SPEN: variants seen among roughly 807,000 people sequenced by gnomAD.
SPEN encodes msx2-interacting protein.
A neutral mutation model predicts 269.9 loss-of-function variants in SPEN; 18 were observed. The observed-to-expected ratio is 0.07, with a 90% CI of 0.05 to 0.10. The LOEUF (loss-of-function observed/expected upper bound fraction) is 0.10, where lower values mean the gene tolerates loss of function less well. SPEN is among the 10% of genes least tolerant of loss of function. The pLI, the probability that SPEN is intolerant of heterozygous loss-of-function variation, is 1.00. For missense variants in SPEN, 3,822 were observed against 4,631.2 expected (o/e 0.83, Z 5.07); for synonymous variants, 1,726 against 1,765.7 (o/e 0.98, Z 0.56).
chr1:15,909,847 C>G (rs574236914), intron 4 of SPEN, among the ~76,000 whole-genome samples: 3 of 151,996 alleles, frequency 2.0e-5, no homozygotes, highest in Admixed American at 6.6e-5. Context: ...AAATAGGGGC[C>G]AGGCGCGGTG....
chr1:15,864,607 G>GTTTTTTTTTTTTT (rs34116041), intron 1 of SPEN, among the ~76,000 whole-genome samples: 1 of 82,612 alleles, frequency 1.2e-5, no homozygotes, highest in Non-Finnish European at 2.2e-5. Flanking sequence ...AGGTTTGTGG[G>GTTTTTTTTTTTTT]TTTTTTTTTT....
intron 3 of SPEN, among the ~76,000 whole-genome samples, chr1:15,889,318 A>C (rs1435158266): frequency 6.6e-6 from 1 of 152,006 alleles, no homozygotes; most frequent in Non-Finnish European, 1.5e-5. Context: ...GGCATGTGCC[A>C]CCACGCCCAA....
chr1:15,914,945 T>C (rs2071044339), intron 5 of SPEN, among the ~76,000 whole-genome samples: 2 of 152,366 alleles, frequency 1.3e-5, no homozygotes, highest in East Asian at 1.9e-4. Flanking sequence ...GTTACTCTTA[T>C]ATCTAAAATT....
chr1:15,857,574 C>A (rs1316351610), intron 1 of SPEN, among the ~76,000 whole-genome samples: 2 of 152,050 alleles, frequency 1.3e-5, no homozygotes, highest in Admixed American at 6.6e-5. Flanking sequence ...CCAGGCTGGT[C>A]TTGAACTCCT....
At position 15,936,808 on chromosome 1, in the gene SPEN, A is replaced by G. The variant is rs558763651; in HGVS notation, c.10027-355A>G. 2.0e-5 allele frequency among the ~76,000 whole-genome samples: 3 copies of G among 152,310 alleles called. No individual in the cohort carries two copies. In the East Asian group the frequency reaches 5.8e-4, roughly 29 times the overall value. ...AAGAAATCCGCCTTTTGGTAAAGAT[A>G]GTGGTTGAGTACAAGTGAACTGGTC... is the stretch of plus-strand genomic sequence containing the variant. On this transcript the variant is annotated intron_variant, in intron 11 of 14. Transcript: ENST00000375759.
chr1:15,883,077 A>C (rs1232333363), intron 3 of SPEN, among the ~76,000 whole-genome samples: 1 of 152,252 alleles, frequency 6.6e-6, no homozygotes, highest in Non-Finnish European at 1.5e-5. Flanking sequence ...CTTTCTTCTT[A>C]AATAGATTTT....
At chr1:15,876,118 A>G (rs949022393) in intron 2 of SPEN, 84 bp from the exon 3 acceptor site, 6 of 1,047,734 alleles carry the variant, frequency 5.7e-6, no homozygotes, top group African/African-American at 1.6e-5. Flanking sequence ...GACAAAGACA[A>G]TGCTGAAGTG....
rs1193116983 is a variant in SPEN at position 15,939,180 on chromosome 1, T to C, written c.10864-116T>C. 1.1e-5 allele frequency: 15 copies of C among 1,381,562 alleles called. No individual in the cohort carries two copies. Among genetic ancestry groups the C allele is most frequent in the Middle Eastern group, 2.1e-4 (1 of 4,740 alleles). The allele number at this position is 1,381,562 out of a possible 1,614,324, so 85.6% of individuals were successfully genotyped here. ...GACATAGTCCTGGCACATTTGCTGG[T>C]TGGGGACTGATTTGGCCTGGCTCTT... On this transcript the variant is annotated intron_variant, in intron 14 of 14. Transcript: ENST00000375759. This position sits in a 1 kb window ranked among gnomAD's most constrained non-coding sequence, Gnocchi z 4.1.
intron 5 of SPEN, among the ~76,000 whole-genome samples, chr1:15,912,454 G>A (rs138051720): frequency 6.5e-4 from 99 of 152,138 alleles, no homozygotes; most frequent in African/African-American, 2.3e-3. Flanking sequence ...GGTAAACATG[G>A]CCTGTTATAG....
chr1:15,908,623 A>G (rs145932106), intron 3 of SPEN, among the ~76,000 whole-genome samples: 243 of 152,118 alleles, frequency 1.6e-3, no homozygotes, highest in African/African-American at 5.5e-3. Flanking sequence ...GGTTTTCACC[A>G]TGTTGGCCAG....
At chr1:15,874,032 G>A in intron 2 of SPEN, 1 of 1,240,546 alleles carries the variant, frequency 8.1e-7, no homozygotes. Context: ...GCGAGCAACT[G>A]TGCCTTCCTC....
rs765111467 is a variant in SPEN at position 15,935,578 on chromosome 1, G to A, written c.9338G>A (p.Arg3113Gln). 1.1e-5 allele frequency: 18 copies of A among 1,613,914 alleles called. No homozygotes were observed. The highest frequency in any genetic ancestry group is 5.3e-5 in the African/African-American group (4 of 74,870). The change falls in exon 11 of 15, where the codon CGG (arginine) becomes CAG (glutamine). Residue 3113 changes from arginine to glutamine, a missense_variant. Around this residue, in one of 16 missense-constraint regions of SPEN, gnomAD observed 153 missense variants for 228.5 expected, o/e 0.67. Coordinates refer to ENST00000375759, the MANE Select transcript of SPEN (RefSeq NM_015001.3). This position sits in a 1 kb window ranked among gnomAD's most constrained non-coding sequence, Gnocchi z 7.7. ...CTGCCCAGTATCACCTACAGCATCCGGCCAGAAGCGCTTCACTCTCCTCGG... is the reference window on the plus strand; with the variant it reads ...CTGCCCAGTATCACCTACAGCATCCAGCCAGAAGCGCTTCACTCTCCTCGG... ...PTLPSITYSI[R>Q]PEALHSPRAP...
intron 2 of SPEN, among the ~76,000 whole-genome samples, chr1:15,874,766 A>G (rs542618937): frequency 6.6e-6 from 1 of 152,310 alleles, no homozygotes; most frequent in East Asian, 1.9e-4. Flanking sequence ...AAATCTCAGA[A>G]CTGTAGTAAA....
At chr1:15,857,408 G>T (rs1323589602) in intron 1 of SPEN, among the ~76,000 whole-genome samples, 2 of 151,666 alleles carry the variant, frequency 1.3e-5, no homozygotes, top group East Asian at 3.9e-4. Context: ...CCAGGCTGGA[G>T]TGCAGTGGCG....
At chr1:15,887,427 G>A (rs914492492) in intron 3 of SPEN, among the ~76,000 whole-genome samples, 2 of 151,328 alleles carry the variant, frequency 1.3e-5, no homozygotes, top group African/African-American at 4.8e-5. Flanking sequence ...GACCACAAGC[G>A]CCCGCCACCA....
intron 3 of SPEN, among the ~76,000 whole-genome samples, chr1:15,889,646 T>G (rs2070770906): frequency 6.6e-6 from 1 of 152,200 alleles, no homozygotes; most frequent in African/African-American, 2.4e-5. Flanking sequence ...TTATTAGTTA[T>G]TCATTAAGTT....
At chr1:15,879,004 C>CAAAA (rs3048559) in intron 3 of SPEN, among the ~76,000 whole-genome samples, 8 of 76,522 alleles carry the variant, frequency 1.0e-4, no homozygotes, top group African/African-American at 1.7e-4. Flanking sequence ...GACTCTGTCT[C>CAAAA]AAAAAAAAAA....
At position 15,929,642 on chromosome 1, in the gene SPEN, C is replaced by T. The variant is rs1379898622; in HGVS notation, c.3402C>T (p.Cys1134=). 2 of 1,613,994 alleles carry T rather than the reference C, an allele frequency of 1.2e-6. No homozygotes were observed. Among genetic ancestry groups the T allele is most frequent in the Non-Finnish European group, 8.5e-7 (1 of 1,180,012 alleles). The part of the protein sequence containing the change: ...PEREDVRKNY[C]SLRDETPERK... ...GAGAAGACGTTAGGAAAAACTATTG[C>T]AGTCTTCGTGATGAAACACCTGAAC... The change falls in exon 11 of 15, where the codon TGC becomes TGT. Residue 1134 remains cysteine, a synonymous_variant. Transcript: ENST00000375759. This position sits in a 1 kb window ranked among gnomAD's most constrained non-coding sequence, Gnocchi z 5.8.
At chr1:15,855,356 C>T (rs1427872366) in intron 1 of SPEN, among the ~76,000 whole-genome samples, 1 of 151,994 alleles carries the variant, frequency 6.6e-6, no homozygotes, top group African/African-American at 2.4e-5. Context: ...ACATATAATA[C>T]ATTTATAGTT....
Sources: gnomAD v4.1 joint callset for allele counts (sites outside exome capture counted in the v4.1 genomes callset) on GRCh38, gnomAD v4.1.1 for gene constraint, gnomAD v4.1.1 regional missense constraint, Gnocchi (gnomAD v3.1) non-coding constraint, MANE v1.5 for transcripts, NCBI Gene and HGNC (gene_info 2026-07-23, HGNC 2026-07-21) for gene names.